Variants in SLC24A2 observed in about 807,000 individuals in gnomAD.
The protein encoded by SLC24A2 is solute carrier family 24 member 2.
SLC24A2 carries 36 observed loss-of-function variants against 62.0 expected under a neutral mutation model. The ratio of observed to expected loss-of-function variants is 0.58; its 90% CI spans 0.44 to 0.77. The LOEUF (loss-of-function observed/expected upper bound fraction) is 0.77, where lower values mean the gene tolerates loss of function less well. Ranked by LOEUF, SLC24A2 falls within the 30% of genes least tolerant of loss-of-function variation. SLC24A2 has a pLI of 0.00. For synonymous variants in SLC24A2, 358 were observed against 294.0 expected, an observed-to-expected ratio of 1.22 and a Z score of -2.23; for missense variants, 846 against 817.9, an observed-to-expected ratio of 1.03 and a Z score of -0.42.
At chr9:20,141,816 G>T in the SLC24A2 span, among the ~76,000 whole-genome samples, 1 of 152,166 alleles carries the variant, frequency 6.6e-6, no homozygotes. Context: ...GGCCACGGTG[G>T]CTCACGCCTG....
the SLC24A2 span, among the ~76,000 whole-genome samples, chr9:20,036,439 T>A: frequency 2.0e-5 from 3 of 152,130 alleles, no homozygotes; most frequent in African/African-American, 7.2e-5. Flanking sequence ...ATCAAACTTA[T>A]TCCTCCCGTC....
chr9:20,251,790 C>G, the SLC24A2 span, among the ~76,000 whole-genome samples: 1 of 152,204 alleles, frequency 6.6e-6, no homozygotes, highest in African/African-American at 2.4e-5. Context: ...CAATGATTCT[C>G]CAAGATCCCT....
At chr9:19,961,345 C>A in the SLC24A2 span, among the ~76,000 whole-genome samples, 1 of 152,082 alleles carries the variant, frequency 6.6e-6, no homozygotes, top group Non-Finnish European at 1.5e-5. Flanking sequence ...AGGTTAGATC[C>A]AAAACTGGAT....
At chr9:19,841,445 T>A in the SLC24A2 span, among the ~76,000 whole-genome samples, 4 of 152,158 alleles carry the variant, frequency 2.6e-5, no homozygotes, top group African/African-American at 9.7e-5. Context: ...GGCAGACACA[T>A]ACCTGGTCTT....
the SLC24A2 span, among the ~76,000 whole-genome samples, chr9:19,888,036 C>T: frequency 2.0e-5 from 3 of 152,096 alleles, no homozygotes; most frequent in Admixed American, 6.5e-5. Context: ...GTCTACTTCT[C>T]GTTGATGGGT....
intron 7 of SLC24A2, among the ~76,000 whole-genome samples, chr9:19,564,124 G>C (rs1000445050): frequency 6.6e-6 from 1 of 151,976 alleles, no homozygotes; most frequent in Non-Finnish European, 1.5e-5. Flanking sequence ...CCAAAACTGG[G>C]ATTGATTACA....
At chr9:19,834,532 A>C in the SLC24A2 span, among the ~76,000 whole-genome samples, 1 of 152,306 alleles carries the variant, frequency 6.6e-6, no homozygotes, top group Admixed American at 6.5e-5. Flanking sequence ...AGAAAAAAGA[A>C]TAAAAAGAAA....
chr9:20,123,949 A>G, the SLC24A2 span, among the ~76,000 whole-genome samples: 10 of 152,192 alleles, frequency 6.6e-5, no homozygotes, highest in African/African-American at 2.4e-4. Flanking sequence ...TACTATACCT[A>G]ACTGTTCAAA....
chr9:20,080,543 A>T, the SLC24A2 span, among the ~76,000 whole-genome samples: 13 of 151,872 alleles, frequency 8.6e-5, no homozygotes, highest in Non-Finnish European at 1.6e-4. Flanking sequence ...AACCTAGGCA[A>T]TACCATTCAG....
At chr9:20,059,710 T>C in the SLC24A2 span, among the ~76,000 whole-genome samples, 7 of 151,958 alleles carry the variant, frequency 4.6e-5, no homozygotes, top group East Asian at 5.8e-4. Flanking sequence ...GAAAGATCTC[T>C]CGCAAATTGA....
intron 2 of SLC24A2, among the ~76,000 whole-genome samples, chr9:19,683,298 G>T (rs1477404158): frequency 2.6e-5 from 4 of 152,176 alleles, no homozygotes; most frequent in Non-Finnish European, 5.9e-5. Context: ...GGAAACACAG[G>T]TCTTTGCTCC....
At chr9:19,708,971 C>G (rs1402165220) in intron 2 of SLC24A2, among the ~76,000 whole-genome samples, 4 of 152,018 alleles carry the variant, frequency 2.6e-5, no homozygotes, top group Admixed American at 6.6e-5. Flanking sequence ...GAATGGCAAC[C>G]TACAAAATGG....
the SLC24A2 span, among the ~76,000 whole-genome samples, chr9:19,920,241 G>C: frequency 6.6e-6 from 1 of 152,084 alleles, no homozygotes; most frequent in Non-Finnish European, 1.5e-5. Context: ...AAAATCATTT[G>C]GTAGACTCTC....
intron 2 of SLC24A2, among the ~76,000 whole-genome samples, chr9:19,678,707 C>G (rs1211653311): frequency 1.3e-5 from 2 of 152,160 alleles, no homozygotes; most frequent in African/African-American, 4.8e-5. Context: ...ATAGTTCATA[C>G]ATGCTGGCAT....
At chr9:20,278,175 G>A in the SLC24A2 span, among the ~76,000 whole-genome samples, 1 of 152,066 alleles carries the variant, frequency 6.6e-6, no homozygotes, top group South Asian at 2.1e-4. Flanking sequence ...CATGGCACAT[G>A]TATACATATG....
At chr9:19,552,311 A>C (rs1563957880) in intron 7 of SLC24A2, among the ~76,000 whole-genome samples, 1 of 152,172 alleles carries the variant, frequency 6.6e-6, no homozygotes, top group Non-Finnish European at 1.5e-5. Flanking sequence ...TCAGCTAGCT[A>C]CGTGAATAAT....
At chr9:19,563,665 C>T (rs970280273) in intron 7 of SLC24A2, among the ~76,000 whole-genome samples, 1 of 152,152 alleles carries the variant, frequency 6.6e-6, no homozygotes, top group South Asian at 2.1e-4. Flanking sequence ...AACAAAACTT[C>T]TGATTTTTAT....
At chr9:19,999,880 G>A in the SLC24A2 span, among the ~76,000 whole-genome samples, 5 of 152,126 alleles carry the variant, frequency 3.3e-5, no homozygotes, top group Non-Finnish European at 7.4e-5. Flanking sequence ...CTCTTCATCC[G>A]GGTCACTGGT....
In SLC24A2 at chr9:19,514,388, C is replaced by T. The variant is rs1195001788; in HGVS notation, c.*1765G>A. The T allele has an allele frequency of 5.3e-5, 8 of 152,166 alleles. No homozygotes were observed. Among genetic ancestry groups the T allele is most frequent in the African/African-American group, 1.7e-4 (7 of 41,420 alleles). The allele number at this position is 152,166 out of a possible 1,614,324, so 9.4% of individuals were successfully genotyped here. A position where few individuals can be genotyped will look rare whatever the true frequency, so the allele number is the denominator to read the frequency against. On this transcript the variant is annotated 3_prime_UTR_variant, in exon 11 of 11. Transcript: ENST00000341998. ...CATATGCCATATGTACCAACTTAGACGTAGGATGGGTACAGAATAATGAAC... is the reference window on the plus strand; with the variant it reads ...CATATGCCATATGTACCAACTTAGATGTAGGATGGGTACAGAATAATGAAC...
Sources: gnomAD v4.1 joint callset for allele counts (sites outside exome capture counted in the v4.1 genomes callset) on GRCh38, gnomAD v4.1.1 for gene constraint, MANE v1.5 for transcripts, NCBI Gene and HGNC (gene_info 2026-07-23, HGNC 2026-07-21) for gene names.